The following SLTM variants were observed in gnomAD, a reference collection of about 807,000 sequenced individuals.
The protein encoded by SLTM is SAFB like transcription modulator.
Under a neutral mutation model 134.6 loss-of-function variants are expected in SLTM, and 43 were observed. That is an observed-to-expected ratio of 0.32 (90% CI 0.25 to 0.41). The LOEUF (loss-of-function observed/expected upper bound fraction) is 0.41, where lower values mean the gene tolerates loss of function less well. Ranked by LOEUF, SLTM falls within the 10% of genes least tolerant of loss-of-function variation. The pLI is 1.00. For synonymous variants in SLTM, 424 were observed against 432.3 expected (o/e 0.98, Z 0.24); for missense variants, 1,055 against 1,288.8 (o/e 0.82, Z 2.78).
chr15:58,916,370 T>C (rs555842689), intron 3 of SLTM, among the ~76,000 whole-genome samples: 63 of 152,170 alleles, frequency 4.1e-4, no homozygotes, highest in African/African-American at 1.4e-3. Context: ...GATGGGGTTT[T>C]ACTATGTTGG....
At chr15:58,909,101 T>C (rs765564899) in intron 5 of SLTM, among the ~76,000 whole-genome samples, 6 of 152,170 alleles carry the variant, frequency 3.9e-5, no homozygotes, top group Non-Finnish European at 7.4e-5. Context: ...TGAAATACCA[T>C]TTACCACTAT....
intron 2 of SLTM, among the ~76,000 whole-genome samples, chr15:58,920,791 C>T (rs2036987902): frequency 6.6e-6 from 1 of 151,346 alleles, no homozygotes; most frequent in Non-Finnish European, 1.5e-5. Context: ...CCATTCTTTA[C>T]TAAAAACACA....
At chr15:58,887,754 G>T in intron 17 of SLTM, 2 of 328,676 alleles carry the variant, frequency 6.1e-6, no homozygotes, top group Non-Finnish European at 8.7e-6. Context: ...GCATTCAGGA[G>T]AAATGATACC....
intron 5 of SLTM, among the ~76,000 whole-genome samples, chr15:58,904,239 G>C (rs1464198674): frequency 6.6e-6 from 1 of 151,998 alleles, no homozygotes; most frequent in Non-Finnish European, 1.5e-5. Flanking sequence ...TCGAACTCCT[G>C]AGCCCAGGTG....
chr15:58,894,021 G>A (rs1339258151), intron 11 of SLTM, 34 bp from the exon 12 acceptor site: 1 of 1,601,634 alleles, frequency 6.2e-7, no homozygotes, highest in Non-Finnish European at 8.5e-7. Flanking sequence ...AAAACAGAAT[G>A]AGTACTTCAT....
In SLTM at chr15:58,916,949, C is replaced by T. The variant is rs751128452; in HGVS notation, c.301G>A (p.Asp101Asn). The T allele has an allele frequency of 1.2e-6, 2 of 1,613,744 alleles. No homozygotes were observed. The highest frequency in any genetic ancestry group is 2.2e-5 in the South Asian group (2 of 91,050). ...ELSGDASVEDDAFIKDCELEN... is the reference protein window; with the variant it reads ...ELSGDASVEDNAFIKDCELEN... The stretch of plus-strand genomic sequence containing the variant: ...TAACACTTTACCTTGATAAAAGCAT[C>T]ATCTTCCACAGAAGCATCTCCACTC... Residue 101 changes from aspartate to asparagine, a missense_variant, in exon 3 of 21, where the codon GAT becomes AAT. Physicochemically the swap from Asp to Asn is conservative, Grantham distance 23. Around this residue, in one of 3 missense-constraint regions of SLTM, gnomAD observed 268 missense variants for 284.3 expected, o/e 0.94. Transcript: ENST00000380516.
intron 19 of SLTM, among the ~76,000 whole-genome samples, chr15:58,884,084 A>C (rs1338402085): frequency 1.3e-5 from 2 of 150,942 alleles, no homozygotes. Context: ...GGGCAACAAG[A>C]GTGAAACCCC....
intron 4 of SLTM, chr15:58,912,927 T>A (rs1326927552): frequency 4.2e-6 from 1 of 236,668 alleles, no homozygotes; most frequent in Non-Finnish European, 8.4e-6. Context: ...CTAACATACT[T>A]CAAGGCAGGA....
chr15:58,887,144 A>G, intron 18 of SLTM, 25 bp from the exon 19 acceptor site: 1 of 1,613,782 alleles, frequency 6.2e-7, no homozygotes, highest in South Asian at 1.1e-5. Context: ...ATAAAAACAT[A>G]CATGATCAAA....
intron 5 of SLTM, among the ~76,000 whole-genome samples, chr15:58,910,212 A>G (rs561689787): frequency 1.3e-5 from 2 of 152,322 alleles, no homozygotes; most frequent in African/African-American, 4.8e-5. Context: ...AAGTAAACAG[A>G]GGCATAGGGG....
chr15:58,894,272 A>T (rs2034897280), intron 10 of SLTM, 79 bp from the exon 11 acceptor site: 1 of 1,418,018 alleles, frequency 7.1e-7, no homozygotes, highest in African/African-American at 1.5e-5. Context: ...TAATGGCAGA[A>T]AATTTGGAAA....
intron 2 of SLTM, among the ~76,000 whole-genome samples, chr15:58,920,627 TAATAAATA>T (rs71119418): frequency 7.1e-4 from 99 of 139,720 alleles, no homozygotes; most frequent in South Asian, 4.2e-3. Context: ...CATCTCAAAA[TAATAAATA>T]AATAAATAAA....
chr15:58,923,248 C>G (rs2141205911), intron 2 of SLTM, among the ~76,000 whole-genome samples: 1 of 152,166 alleles, frequency 6.6e-6, no homozygotes, highest in African/African-American at 2.4e-5. Context: ...CATCCAGCTA[C>G]TAGGGGGGCC....
Position 58,887,459 on chromosome 15 carries a change from A to G in SLTM, c.2457T>C (p.Tyr819=), listed in dbSNP as rs551286522. 8 of 1,613,636 alleles carry G rather than the reference A, an allele frequency of 5.0e-6. No homozygotes were observed. The highest frequency in any genetic ancestry group is 1.1e-5 in the South Asian group (1 of 91,028). ...ARREDPSFER[Y]PKNFSDSRRN... is the part of the protein sequence containing the mutation. ...TTCTGGAGTCACTGAAATTTTTGGG[A>G]TATCTTTCGAAGCTTGGATCTTCCC... The change falls in exon 18 of 21, where the codon TAT becomes TAC. Residue 819 remains tyrosine (Y), a synonymous_variant. Transcript: ENST00000380516.
At chr15:58,924,418 T>C (rs1288851257) in intron 2 of SLTM, among the ~76,000 whole-genome samples, 2 of 152,230 alleles carry the variant, frequency 1.3e-5, no homozygotes, top group Admixed American at 6.5e-5. Context: ...CTCTGAGATA[T>C]GTTTCAGAAT....
At chr15:58,890,954 T>C (rs1403788436) in intron 14 of SLTM, among the ~76,000 whole-genome samples, 1 of 152,200 alleles carries the variant, frequency 6.6e-6, no homozygotes, top group Non-Finnish European at 1.5e-5. Context: ...AATGGTGTCC[T>C]TAAGGGCTAT....
chr15:58,901,246 A>G lies in SLTM; in HGVS notation c.589+14T>C, dbSNP rs1474026067. 1 of 1,598,888 alleles carries G rather than the reference A, an allele frequency of 6.3e-7. No individual in the cohort carries two copies. The highest frequency in any genetic ancestry group is 8.5e-7 in the Non-Finnish European group (1 of 1,172,828). ...TAAATTTTAGCAATTTTTAAGCTCT[A>G]GCATCAAACATACCTTTCTCATTTT... is the stretch of plus-strand genomic sequence containing the variant. On this transcript the variant is annotated intron_variant, in intron 6 of 20. Coordinates refer to ENST00000380516, the MANE Select transcript of SLTM (RefSeq NM_024755.4).
intron 2 of SLTM, 145 bp downstream of exon 2, chr15:58,932,211 A>G: frequency 1.6e-6 from 1 of 642,768 alleles, no homozygotes. Context: ...GGCAACAGTA[A>G]CTTTTCTTCC....
chr15:58,923,284 G>A (rs1323856200), intron 2 of SLTM, among the ~76,000 whole-genome samples: 1 of 152,130 alleles, frequency 6.6e-6, no homozygotes, highest in African/African-American at 2.4e-5. Flanking sequence ...CATAAGCCCA[G>A]GAGGTCAAGA....
Sources: gnomAD v4.1 joint callset for allele counts (sites outside exome capture counted in the v4.1 genomes callset) on GRCh38, gnomAD v4.1.1 for gene constraint, gnomAD v4.1.1 regional missense constraint, MANE v1.5 for transcripts, NCBI Gene and HGNC (gene_info 2026-07-23, HGNC 2026-07-21) for gene names.